KCNS3: variants seen among roughly 807,000 people sequenced by gnomAD.
KCNS3 encodes delayed-rectifier potassium channel regulatory subunit KCNS3.
In KCNS3, 13 loss-of-function variants were observed where a neutral mutation model predicts 31.0. The observed-to-expected ratio is 0.42, with a 90% CI of 0.27 to 0.67. The LOEUF is 0.67. KCNS3 is among the 30% of genes least tolerant of loss of function. The pLI, the probability that KCNS3 is intolerant of heterozygous loss-of-function variation, is 0.25. For synonymous variants in KCNS3, 238 were observed against 241.5 expected (o/e 0.99, Z 0.13); for missense variants, 545 against 622.4 (o/e 0.88, Z 1.32).
Position 17,884,258 on chromosome 2 carries a change from AAAAAAAAAAAATATAT to A in KCNS3, c.-252+5454_-252+5469del, listed in dbSNP as rs1206321044. Among the ~76,000 whole-genome samples, 13 of 49,552 alleles carry A rather than the reference AAAAAAAAAAAATATAT, an allele frequency of 2.6e-4. 1 individual carries two copies. The highest frequency in any genetic ancestry group is 3.8e-5 in the Non-Finnish European group (1 of 26,070). The allele number at this position is 49,552 out of a possible 152,430, so 32.5% of individuals were successfully genotyped here. A position where few individuals can be genotyped will look rare whatever the true frequency, so the allele number is the denominator to read the frequency against. On this transcript the variant is annotated intron_variant, in intron 1 of 2. Coordinates refer to ENST00000304101, the MANE Select transcript of KCNS3 (RefSeq NM_002252.5). ...TACCCTAGAACTTAAAGTATAATTAAAAAAAAAAAAATATATATATATATATATATATATATATATA... is the reference window on the plus strand; with the variant it reads ...TACCCTAGAACTTAAAGTATAATTAAATATATATATATATATATATATATA...
intron 1 of KCNS3, among the ~76,000 whole-genome samples, chr2:17,885,227 G>A (rs1661613136): frequency 1.3e-5 from 2 of 152,106 alleles, no homozygotes; most frequent in African/African-American, 2.4e-5. Flanking sequence ...GATGGGATAA[G>A]GACTGATGGA....
rs368739367 is a variant in KCNS3, at chr2:17,894,497, A to G, written c.-252+15691A>G. 1.0e-3 allele frequency among the ~76,000 whole-genome samples: 159 copies of G among 152,350 alleles called. 2 individuals carry two copies. The South Asian group carries it at 0.032, about 30-fold the overall frequency. On this transcript the variant is annotated intron_variant, in intron 1 of 2. Coordinates refer to ENST00000304101, the MANE Select transcript of KCNS3 (RefSeq NM_002252.5). ...GTCCTCCACAAACCCTGTTCAGGCCATTCTACTGTGACCTTCTTCAGATAC... is the reference window on the plus strand; with the variant it reads ...GTCCTCCACAAACCCTGTTCAGGCCGTTCTACTGTGACCTTCTTCAGATAC...
intron 1 of KCNS3, among the ~76,000 whole-genome samples, chr2:17,894,056 C>T (rs1000777978): frequency 6.9e-6 from 1 of 145,884 alleles, no homozygotes. Context: ...CTTTTAGTTG[C>T]TTTTTACCAG....
chr2:17,916,738 T>C (rs1259885303), intron 1 of KCNS3, among the ~76,000 whole-genome samples: 1 of 152,134 alleles, frequency 6.6e-6, no homozygotes, highest in Non-Finnish European at 1.5e-5. Context: ...AGGCACTGCA[T>C]CTGGTTTATA....
chr2:17,905,928 T>C (rs1662303302), intron 1 of KCNS3, among the ~76,000 whole-genome samples: 1 of 152,204 alleles, frequency 6.6e-6, no homozygotes, highest in African/African-American at 2.4e-5. Flanking sequence ...TTCTCTTTTT[T>C]TGTTGTGTCT....
At chr2:17,907,190 A>G (rs1375573292) in intron 1 of KCNS3, among the ~76,000 whole-genome samples, 4 of 152,204 alleles carry the variant, frequency 2.6e-5, no homozygotes, top group African/African-American at 9.6e-5. Flanking sequence ...TTCTTGTTGA[A>G]TTGATCCTTT....
At chr2:17,893,492 C>T (rs1299862464) in intron 1 of KCNS3, among the ~76,000 whole-genome samples, 1 of 152,210 alleles carries the variant, frequency 6.6e-6, no homozygotes, top group Non-Finnish European at 1.5e-5. Context: ...AATTCCTTCT[C>T]CTTGTTGAAT....
At chr2:17,900,337 G>C (rs1430398621) in intron 1 of KCNS3, among the ~76,000 whole-genome samples, 2 of 152,110 alleles carry the variant, frequency 1.3e-5, no homozygotes, top group Admixed American at 6.6e-5. Context: ...TGCAGTGGAA[G>C]GGAGCCTGGT....
chr2:17,900,741 C>T (rs577058931), intron 1 of KCNS3, among the ~76,000 whole-genome samples: 3 of 152,160 alleles, frequency 2.0e-5, no homozygotes, highest in Non-Finnish European at 2.9e-5. Context: ...CTGCCTGTCT[C>T]GGCCTCCTAA....
intron 1 of KCNS3, among the ~76,000 whole-genome samples, chr2:17,899,717 G>T (rs1662123096): frequency 1.3e-5 from 2 of 152,126 alleles, no homozygotes; most frequent in African/African-American, 4.8e-5. Context: ...CTATATAAAG[G>T]TTTTCCAGAA....
intron 2 of KCNS3, 140 bp downstream of exon 2, chr2:17,918,011 T>A (rs921208486): frequency 1.3e-5 from 2 of 152,668 alleles, no homozygotes; most frequent in South Asian, 2.1e-4. Context: ...TTGGGACAGA[T>A]GACTATGGGA....
intron 1 of KCNS3, among the ~76,000 whole-genome samples, chr2:17,915,674 A>G (rs1281850312): frequency 6.6e-6 from 1 of 152,214 alleles, no homozygotes; most frequent in Non-Finnish European, 1.5e-5. Flanking sequence ...GTGTGTAAAA[A>G]TCCTAAAAAG....
chr2:17,884,268 AATATATATATATATATAT>A (rs1227638443), intron 1 of KCNS3, among the ~76,000 whole-genome samples: 8 of 46,696 alleles, frequency 1.7e-4, no homozygotes, highest in African/African-American at 3.9e-4. Flanking sequence ...AAAAAAAAAA[AATATATATATATATATAT>A]ATATATATAT....
intron 2 of KCNS3, among the ~76,000 whole-genome samples, chr2:17,921,132 T>C (rs1438710639): frequency 2.6e-5 from 4 of 152,224 alleles, no homozygotes; most frequent in East Asian, 1.9e-4. Flanking sequence ...TGAATAATAG[T>C]GTATATGAAA....
chr2:17,925,463 C>T (rs1662814443), intron 2 of KCNS3, among the ~76,000 whole-genome samples: 1 of 152,104 alleles, frequency 6.6e-6, no homozygotes, highest in African/African-American at 2.4e-5. Flanking sequence ...TTTCACGCTG[C>T]TATAAAGACA....
intron 1 of KCNS3, among the ~76,000 whole-genome samples, chr2:17,901,873 A>G (rs1662184571): frequency 6.6e-6 from 1 of 152,178 alleles, no homozygotes; most frequent in Non-Finnish European, 1.5e-5. Context: ...GCCACGTGAT[A>G]CCCACAGATA....
chr2:17,914,939 T>C (rs1662554727), intron 1 of KCNS3, among the ~76,000 whole-genome samples: 1 of 152,214 alleles, frequency 6.6e-6, no homozygotes, highest in African/African-American at 2.4e-5. Flanking sequence ...AGGGAGTCAT[T>C]CTCACTCATG....
intron 2 of KCNS3, among the ~76,000 whole-genome samples, chr2:17,922,700 T>G (rs775705946): frequency 3.3e-5 from 5 of 151,832 alleles, no homozygotes; most frequent in Non-Finnish European, 5.9e-5. Flanking sequence ...ATCTACTTTC[T>G]GTTTCTATAG....
chr2:17,921,798 G>A (rs1214636911), intron 2 of KCNS3, among the ~76,000 whole-genome samples: 1 of 151,106 alleles, frequency 6.6e-6, no homozygotes, highest in African/African-American at 2.4e-5. Flanking sequence ...CCTCCCACCA[G>A]GCCCCTCCCC....
Sources: gnomAD v4.1 joint callset for allele counts (sites outside exome capture counted in the v4.1 genomes callset) on GRCh38, gnomAD v4.1.1 for gene constraint, MANE v1.5 for transcripts, NCBI Gene and HGNC (gene_info 2026-07-23, HGNC 2026-07-21) for gene names.